The following STAG1 variants were observed in gnomAD, a reference collection of about 807,000 sequenced individuals.
STAG1 encodes the protein cohesin subunit SA-1.
In STAG1, 26 loss-of-function variants were observed where a neutral mutation model predicts 170.9. That is an observed-to-expected ratio of 0.15 (90% CI 0.11 to 0.21). STAG1 has a LOEUF of 0.21. Ranked by LOEUF, STAG1 falls within the 10% of genes least tolerant of loss-of-function variation. The pLI, the probability that STAG1 is intolerant of heterozygous loss-of-function variation, is 1.00. For synonymous variants in STAG1, 514 were observed against 497.7 expected (o/e 1.03, Z -0.44); for missense variants, 964 against 1,509.5 (o/e 0.64, Z 5.99).
intron 9 of STAG1, among the ~76,000 whole-genome samples, chr3:136,495,963 T>C (rs1576531143): frequency 1.1e-5 from 1 of 94,074 alleles, no homozygotes; most frequent in Non-Finnish European, 2.0e-5. Context: ...AGAGCAAGAC[T>C]CCGTCTCAAA....
At chr3:136,676,459 C>A (rs1253634919) in intron 1 of STAG1, among the ~76,000 whole-genome samples, 1 of 152,016 alleles carries the variant, frequency 6.6e-6, no homozygotes, top group Non-Finnish European at 1.5e-5. Flanking sequence ...TATTTTCTTT[C>A]TTTTTGAGAC....
intron 6 of STAG1, 139 bp downstream of exon 6, chr3:136,541,980 C>T (rs943704464): frequency 1.5e-6 from 1 of 651,194 alleles, no homozygotes; most frequent in South Asian, 1.9e-5. Flanking sequence ...GGAATTAGTA[C>T]CACAGATTAT....
At chr3:136,459,929 A>C (rs984825614) in intron 13 of STAG1, among the ~76,000 whole-genome samples, 1 of 152,140 alleles carries the variant, frequency 6.6e-6, no homozygotes, top group African/African-American at 2.4e-5. Flanking sequence ...AGACAACAAT[A>C]ATGAAAGGTA....
chr3:136,373,443 G>A (rs901737007), intron 23 of STAG1, among the ~76,000 whole-genome samples: 2 of 151,864 alleles, frequency 1.3e-5, no homozygotes, highest in Non-Finnish European at 1.5e-5. Context: ...GTGATGTTAC[G>A]GTGTCAATTT....
intron 4 of STAG1, among the ~76,000 whole-genome samples, chr3:136,592,955 A>G (rs924624209): frequency 1.3e-5 from 2 of 152,268 alleles, no homozygotes; most frequent in South Asian, 4.2e-4. Context: ...GGCACAGACA[A>G]CCTGGCAATA....
intron 1 of STAG1, among the ~76,000 whole-genome samples, chr3:136,649,632 C>T (rs1941148407): frequency 1.3e-5 from 2 of 148,418 alleles, no homozygotes; most frequent in South Asian, 4.2e-4. Flanking sequence ...TATAAAATAA[C>T]AGGCCAAGTG....
intron 1 of STAG1, among the ~76,000 whole-genome samples, chr3:136,742,059 G>A (rs76960671): frequency 2.0e-5 from 3 of 152,136 alleles, no homozygotes; most frequent in Non-Finnish European, 4.4e-5. Context: ...AGAAAAACTT[G>A]ACAGAATTAA....
At chr3:136,540,221 T>C (rs1440699413) in intron 6 of STAG1, among the ~76,000 whole-genome samples, 1 of 151,918 alleles carries the variant, frequency 6.6e-6, no homozygotes. Flanking sequence ...AATATCTTCC[T>C]CAAGTGACAG....
At chr3:136,596,756 T>C (rs1245493188) in intron 4 of STAG1, among the ~76,000 whole-genome samples, 2 of 152,238 alleles carry the variant, frequency 1.3e-5, no homozygotes, top group African/African-American at 4.8e-5. Context: ...CCTAGAATTC[T>C]AGTTTACTCA....
rs199764806 is a variant in STAG1 at position 136,423,000 on chromosome 3, G to A, written c.1695C>T (p.Asn565=). ...KERKTQIDDR[N]KLTEHFIITL... is the part of the protein sequence containing the mutation. ...TAATAATAAAATGTTCAGTCAATTTGTTTCTATCATCAATTTGAGTTTTCC... is the reference window on the plus strand; with the variant it reads ...TAATAATAAAATGTTCAGTCAATTTATTTCTATCATCAATTTGAGTTTTCC... The change falls in exon 17 of 34, where the codon AAC becomes AAT. Residue 565 remains asparagine, a synonymous_variant. Transcript: ENST00000383202. The A allele has an allele frequency of 5.0e-5, 80 of 1,607,968 alleles. No homozygotes were observed. The East Asian group carries it at 1.8e-3, about 36-fold the overall frequency.
chr3:136,749,547 A>C (rs1393268454), intron 1 of STAG1, among the ~76,000 whole-genome samples: 1 of 152,158 alleles, frequency 6.6e-6, no homozygotes, highest in Non-Finnish European at 1.5e-5. Context: ...AGAGATGGAG[A>C]CCATCCTGGC....
intron 13 of STAG1, 130 bp downstream of exon 13, chr3:136,464,751 T>C (rs762361016): frequency 3.0e-5 from 20 of 666,014 alleles, no homozygotes; most frequent in Non-Finnish European, 4.8e-5. Flanking sequence ...GAGGCTGTTA[T>C]AGCCCCTGGA....
intron 16 of STAG1, among the ~76,000 whole-genome samples, chr3:136,427,444 T>C (rs1284307253): frequency 1.3e-5 from 2 of 152,134 alleles, no homozygotes; most frequent in East Asian, 3.8e-4. Context: ...AGTGATCTTG[T>C]GGTTCTCACT....
At chr3:136,471,800 T>C (rs1222700427) in intron 12 of STAG1, among the ~76,000 whole-genome samples, 1 of 152,202 alleles carries the variant, frequency 6.6e-6, no homozygotes, top group African/African-American at 2.4e-5. Context: ...AAACTGTCCC[T>C]TTGAGGGTTC....
intron 6 of STAG1, among the ~76,000 whole-genome samples, chr3:136,523,317 C>T (rs1934790508): frequency 6.6e-6 from 1 of 152,130 alleles, no homozygotes; most frequent in Non-Finnish European, 1.5e-5. Flanking sequence ...CTCTGACGGC[C>T]AGAGATAATG....
chr3:136,395,572 G>C (rs1387650343), intron 22 of STAG1, among the ~76,000 whole-genome samples: 1 of 152,102 alleles, frequency 6.6e-6, no homozygotes, highest in Non-Finnish European at 1.5e-5. Context: ...AGTGAGTCAA[G>C]ATTGCACCAC....
intron 15 of STAG1, among the ~76,000 whole-genome samples, chr3:136,435,193 C>T (rs995355500): frequency 4.6e-5 from 7 of 152,076 alleles, no homozygotes; most frequent in East Asian, 1.9e-4. Flanking sequence ...ATTTCTATAA[C>T]GCTAATAGCA....
chr3:136,396,209 GTTTTT>G (rs1157402968), intron 22 of STAG1, among the ~76,000 whole-genome samples: 7 of 87,938 alleles, frequency 8.0e-5, no homozygotes, highest in Non-Finnish European at 1.3e-4. Flanking sequence ...GTGTAACACA[GTTTTT>G]TTTTTTTTTT....
intron 1 of STAG1, among the ~76,000 whole-genome samples, chr3:136,731,293 G>A (rs112175447): frequency 6.6e-6 from 1 of 151,984 alleles, no homozygotes; most frequent in African/African-American, 2.4e-5. Context: ...AATGCAAAGG[G>A]TGGATATTTG....
Sources: gnomAD v4.1 joint callset for allele counts (sites outside exome capture counted in the v4.1 genomes callset) on GRCh38, gnomAD v4.1.1 for gene constraint, MANE v1.5 for transcripts, NCBI Gene and HGNC (gene_info 2026-07-23, HGNC 2026-07-21) for gene names.